KDELR2: variants seen among roughly 807,000 people sequenced by gnomAD.
KDELR2 encodes the protein KDEL endoplasmic reticulum protein retention receptor 2, also known as ER lumen protein-retaining receptor 2.
Under a neutral mutation model 23.9 loss-of-function variants are expected in KDELR2, and 15 were observed. The ratio of observed to expected loss-of-function variants is 0.63; its 90% confidence interval spans 0.42 to 0.97. The LOEUF (loss-of-function observed/expected upper bound fraction) is 0.97. KDELR2 is among the 50% of genes least tolerant of loss of function. KDELR2 has a pLI of 0.00. For synonymous variants in KDELR2, 119 were observed against 106.2 expected (o/e 1.12, Z -0.74); for missense variants, 272 against 254.6 (o/e 1.07, Z -0.46).
intron 1 of KDELR2, among the ~76,000 whole-genome samples, chr7:6,479,507 T>C (rs1004805317): frequency 1.3e-5 from 2 of 152,022 alleles, no homozygotes; most frequent in Admixed American, 1.3e-4. Flanking sequence ...AGACGGAGTC[T>C]CCCTCTGTCA....
intron 2 of KDELR2, among the ~76,000 whole-genome samples, chr7:6,470,839 G>T (rs1232284748): frequency 1.3e-5 from 2 of 152,114 alleles, no homozygotes; most frequent in Non-Finnish European, 2.9e-5. Context: ...TGTTGGCTGG[G>T]CATGGTGGCT....
chr7:6,471,894 G>GT (rs1318560744), intron 2 of KDELR2, among the ~76,000 whole-genome samples: 1 of 129,600 alleles, frequency 7.7e-6, no homozygotes, highest in African/African-American at 3.0e-5. Context: ...TATGTTAAGT[G>GT]TAAGTTTAAC....
chr7:6,471,394 G>A (rs540435413), intron 2 of KDELR2, among the ~76,000 whole-genome samples: 2 of 151,860 alleles, frequency 1.3e-5, no homozygotes, highest in African/African-American at 4.8e-5. Flanking sequence ...TGGTCAGGCT[G>A]GTCTCGAACT....
chr7:6,473,094 TTTTTTTTTTTA>T (rs1785687578), intron 2 of KDELR2, among the ~76,000 whole-genome samples: 1 of 145,272 alleles, frequency 6.9e-6, no homozygotes, highest in African/African-American at 2.5e-5. Context: ...TTTTTTTTTT[TTTTTTTTTTTA>T]GAGACAGGGG....
intron 1 of KDELR2, among the ~76,000 whole-genome samples, chr7:6,481,183 A>G (rs1785881662): frequency 6.6e-6 from 1 of 152,132 alleles, no homozygotes; most frequent in African/African-American, 2.4e-5. Flanking sequence ...AGCCTGGCCA[A>G]CATGGTGAAA....
intron 4 of KDELR2, among the ~76,000 whole-genome samples, chr7:6,465,647 G>A (rs867172255): frequency 6.6e-6 from 1 of 152,120 alleles, no homozygotes; most frequent in African/African-American, 2.4e-5. Context: ...CCCATGAATG[G>A]GGGCTGGGTA....
At chr7:6,481,014 A>AAAAT (rs1785875930) in intron 1 of KDELR2, among the ~76,000 whole-genome samples, 1 of 152,188 alleles carries the variant, frequency 6.6e-6, no homozygotes, top group Non-Finnish European at 1.5e-5. Flanking sequence ...TTAGCATTTT[A>AAAAT]GCTGAAGTAT....
chr7:6,469,722 C>T lies in KDELR2; in HGVS notation c.225G>A (p.Val75=), dbSNP rs774377528. 2 of 1,614,052 alleles carry T rather than the reference C, an allele frequency of 1.2e-6. No individual in the cohort carries two copies. Among genetic ancestry groups the T allele is most frequent in the Admixed American group, 1.7e-5 (1 of 60,010 alleles). Residue 75 remains valine, a synonymous_variant, in exon 3 of 5, where the codon GTG becomes GTA. Transcript: ENST00000258739. ...CCTTAAATTTCAGGTAGATCAGGTA[C>T]ACTGTGGCATAGGAGCAGGCAAGGT... ...VIYLACSYAT[V]YLIYLKFKAT...
At chr7:6,473,413 C>T (rs1281808702) in intron 2 of KDELR2, among the ~76,000 whole-genome samples, 4 of 152,104 alleles carry the variant, frequency 2.6e-5, no homozygotes, top group East Asian at 1.9e-4. Flanking sequence ...CAACACTGTG[C>T]GAAAGAACTG....
At chr7:6,481,747 AC>A (rs1785897956) in intron 1 of KDELR2, among the ~76,000 whole-genome samples, 1 of 152,102 alleles carries the variant, frequency 6.6e-6, no homozygotes, top group Non-Finnish European at 1.5e-5. Flanking sequence ...AAACAAACAA[AC>A]AAACAAAAAA....
intron 1 of KDELR2, among the ~76,000 whole-genome samples, chr7:6,483,241 C>T (rs1226478606): frequency 6.6e-6 from 1 of 152,150 alleles, no homozygotes; most frequent in Non-Finnish European, 1.5e-5. Context: ...TTTAAGAGAA[C>T]CCATTATTAG....
At position 6,461,745 on chromosome 7, in the gene KDELR2, T is replaced by C. The variant is rs1785392850; in HGVS notation, c.*1396A>G. ...AGAAAGCCAAAATACTACATCCTTCTTGTAGTCAGCACTGTTAGTATTCAA... is the reference window on the plus strand; with the variant it reads ...AGAAAGCCAAAATACTACATCCTTCCTGTAGTCAGCACTGTTAGTATTCAA... On this transcript the variant is annotated 3_prime_UTR_variant, in exon 5 of 5. Coordinates refer to ENST00000258739, the MANE Select transcript of KDELR2 (RefSeq NM_006854.4). 6.6e-6 allele frequency: 1 copy of C among 151,764 alleles called. No homozygotes were observed. The allele number at this position is 151,764 out of a possible 1,614,324, so 9.4% of individuals were successfully genotyped here. A position where few individuals can be genotyped will look rare whatever the true frequency, so the allele number is the denominator to read the frequency against.
chr7:6,466,953 C>G (rs1451239598), intron 3 of KDELR2, among the ~76,000 whole-genome samples: 3 of 152,124 alleles, frequency 2.0e-5, no homozygotes, highest in Admixed American at 6.6e-5. Flanking sequence ...TGGTTCCTAA[C>G]AGGCTATGAA....
In KDELR2 at chr7:6,467,983, G is replaced by A. The variant is rs1409195304; in HGVS notation, c.351+1613C>T. 3.9e-5 allele frequency among the ~76,000 whole-genome samples: 6 copies of A among 152,182 alleles called. No homozygotes were observed. In the South Asian group the frequency reaches 6.2e-4, roughly 16 times the overall value. ...TGCTGCTAAGCAGGGTCACAGACACGACATCAGTGCACATCTGTACATGAA... is the reference window on the plus strand; with the variant it reads ...TGCTGCTAAGCAGGGTCACAGACACAACATCAGTGCACATCTGTACATGAA... On this transcript the variant is annotated intron_variant, in intron 3 of 4. Transcript: ENST00000258739.
intron 4 of KDELR2, among the ~76,000 whole-genome samples, chr7:6,463,608 C>T (rs1785432681): frequency 6.6e-6 from 1 of 151,936 alleles, no homozygotes; most frequent in African/African-American, 2.4e-5. Flanking sequence ...GGTGTGGTGG[C>T]ATGCACCTGT....
At position 6,462,962 on chromosome 7, in the gene KDELR2, T is replaced by C; in HGVS notation, c.*179A>G. ...AGTAATAAAAAAAGATAAGGCAAGA[T>C]GCATTAAACAGAAACCTTCTGGCTC... On this transcript the variant is annotated 3_prime_UTR_variant, in exon 5 of 5. Transcript: ENST00000258739. The C allele has an allele frequency of 3.1e-6, 5 of 1,609,586 alleles. No individual in the cohort carries two copies. The highest frequency in any genetic ancestry group is 1.3e-5 in the African/African-American group (1 of 74,812).
chr7:6,474,288 G>A lies in KDELR2; in HGVS notation c.92-4C>T. 1 of 1,598,664 alleles carries A rather than the reference G, an allele frequency of 6.3e-7. No individual in the cohort carries two copies. The highest frequency in any genetic ancestry group is 8.6e-7 in the Non-Finnish European group (1 of 1,166,046). ...AGCTGGCTTTTCCCAGAAATACCTA[G>A]AGAAACAGAAGGGAAGTATTAGAAG... On this transcript the variant is annotated splice_polypyrimidine_tract_variant and splice_region_variant and intron_variant, in intron 1 of 4. Coordinates refer to ENST00000258739, the MANE Select transcript of KDELR2 (RefSeq NM_006854.4).
intron 1 of KDELR2, among the ~76,000 whole-genome samples, chr7:6,481,150 C>A (rs1302590928): frequency 6.6e-6 from 1 of 152,126 alleles, no homozygotes; most frequent in Non-Finnish European, 1.5e-5. Flanking sequence ...GCGGGCGGAT[C>A]ATGAGGTCAG....
At chr7:6,471,176 G>GTTTTTTTTTT (rs1161325162) in intron 2 of KDELR2, among the ~76,000 whole-genome samples, 1 of 72,614 alleles carries the variant, frequency 1.4e-5, no homozygotes, top group Non-Finnish European at 2.5e-5. Flanking sequence ...ATTTGTTTCG[G>GTTTTTTTTTT]TTTTTTTTTT....
Sources: allele counts gnomAD v4.1 joint callset (sites outside exome capture counted in the v4.1 genomes callset), GRCh38; gene constraint gnomAD v4.1.1; transcripts MANE v1.5; gene names NCBI Gene and HGNC (gene_info 2026-07-23, HGNC 2026-07-21).